RUNX2: variants seen among roughly 807,000 people sequenced by gnomAD.
The protein encoded by RUNX2 is runt-related transcription factor 2.
Under a neutral mutation model 51.7 loss-of-function variants are expected in RUNX2, and 10 were observed. The ratio of observed to expected loss-of-function variants is 0.19; its 90% CI spans 0.12 to 0.33. RUNX2 has a LOEUF of 0.33. Ranked by LOEUF, RUNX2 falls within the 10% of genes least tolerant of loss-of-function variation. The pLI is 1.00. For synonymous variants in RUNX2, 276 were observed against 273.6 expected, an observed-to-expected ratio of 1.01 and a Z score of -0.09; for missense variants, 562 against 691.3, an observed-to-expected ratio of 0.81 and a Z score of 2.10.
chr6:45,543,611 A>C (rs1802300140), intron 7 of RUNX2, among the ~76,000 whole-genome samples: 1 of 152,138 alleles, frequency 6.6e-6, no homozygotes, highest in African/African-American at 2.4e-5. Flanking sequence ...ATGGACTCTT[A>C]ATAAGTCAAA....
At chr6:45,378,508 T>TAA (rs1048249201) in intron 2 of RUNX2, among the ~76,000 whole-genome samples, 7 of 152,152 alleles carry the variant, frequency 4.6e-5, no homozygotes, top group Admixed American at 4.6e-4. Flanking sequence ...AACCAGCTCT[T>TAA]ACGCCGCTTC....
chr6:45,525,770 A>G (rs1414881615), intron 7 of RUNX2, among the ~76,000 whole-genome samples: 2 of 152,024 alleles, frequency 1.3e-5, no homozygotes, highest in African/African-American at 2.4e-5. Flanking sequence ...TGAGGCGGGC[A>G]GTTTGCTTGA....
chr6:45,540,895 T>C (rs1344815457), intron 7 of RUNX2, among the ~76,000 whole-genome samples: 1 of 152,204 alleles, frequency 6.6e-6, no homozygotes, highest in Non-Finnish European at 1.5e-5. Context: ...TTTACTAGTG[T>C]CAACTGCTGT....
At position 45,549,433 on chromosome 6, in the gene RUNX2, T is replaced by C. The variant is rs1802500562; in HGVS notation, c.*2128T>C. ...CCTGACTCCTTCTAATAAAAATGGA[T>C]GGGAAAGCAAAACACTTTGCCTTCT... On this transcript the variant is annotated 3_prime_UTR_variant, in exon 9 of 9. Transcript: ENST00000647337. The C allele has an allele frequency of 2.5e-6, 1 of 398,338 alleles. No homozygotes were observed. The highest frequency in any genetic ancestry group is 4.4e-6 in the Non-Finnish European group (1 of 226,024). 24.7% of individuals were successfully genotyped at this position (398,338 alleles called of 1,614,324 possible).
chr6:45,375,694 C>T (rs959295394), intron 2 of RUNX2, among the ~76,000 whole-genome samples: 9 of 152,152 alleles, frequency 5.9e-5, no homozygotes, highest in African/African-American at 2.4e-5. Context: ...CAAGCATGAG[C>T]CAACGTGCCT....
At chr6:45,428,560 A>C (rs2819859) in intron 3 of RUNX2, among the ~76,000 whole-genome samples, 68,579 of 151,950 alleles carry the variant, frequency 0.45, 15,679 homozygotes, top group South Asian at 0.61. Context: ...TCTTGCTCTC[A>C]GCCTCATAGA....
At chr6:45,354,210 A>G (rs1017363245) in intron 2 of RUNX2, among the ~76,000 whole-genome samples, 2 of 152,202 alleles carry the variant, frequency 1.3e-5, no homozygotes. Context: ...ATCATTTTTA[A>G]TAATAGTGGA....
intron 2 of RUNX2, among the ~76,000 whole-genome samples, chr6:45,334,740 GTAA>G (rs1302480531): frequency 2.0e-5 from 3 of 151,030 alleles, no homozygotes; most frequent in South Asian, 2.1e-4. Context: ...TACAGAACTT[GTAA>G]TAATGATTAT....
chr6:45,446,287 C>CATAT (rs1196270004), intron 5 of RUNX2, among the ~76,000 whole-genome samples: 1 of 152,172 alleles, frequency 6.6e-6, no homozygotes, highest in Non-Finnish European at 1.5e-5. Flanking sequence ...TTTCCACATG[C>CATAT]ATATGTTCCA....
intron 5 of RUNX2, among the ~76,000 whole-genome samples, chr6:45,471,701 T>G (rs897673177): frequency 6.6e-6 from 1 of 152,180 alleles, no homozygotes; most frequent in Non-Finnish European, 1.5e-5. Context: ...CCTCCCAAAG[T>G]GCTGGGATTA....
At chr6:45,395,305 C>T (rs1460512777) in intron 2 of RUNX2, among the ~76,000 whole-genome samples, 1 of 152,190 alleles carries the variant, frequency 6.6e-6, no homozygotes, top group Admixed American at 6.5e-5. Flanking sequence ...CAGTCTCATA[C>T]ATAGAAATAA....
At position 45,546,211 on chromosome 6, in the gene RUNX2, C is replaced by G. The variant is rs1422429057; in HGVS notation, c.1088-616C>G. 2.0e-5 allele frequency among the ~76,000 whole-genome samples: 3 copies of G among 152,044 alleles called. No individual in the cohort carries two copies. The East Asian group carries it at 5.8e-4, about 29-fold the overall frequency. ...TCTAGTAGCTTATGACCCTCCCTAT[C>G]CACCCCCAGAGAAGTTATGAGTTTC... On this transcript the variant is annotated intron_variant, in intron 8 of 8. Coordinates refer to ENST00000647337, the MANE Select transcript of RUNX2 (RefSeq NM_001024630.4).
At chr6:45,481,449 GA>G (rs1392146152) in intron 5 of RUNX2, among the ~76,000 whole-genome samples, 1 of 152,158 alleles carries the variant, frequency 6.6e-6, no homozygotes, top group Non-Finnish European at 1.5e-5. Flanking sequence ...TACAGAAAAA[GA>G]AGGCAAAGAA....
intron 6 of RUNX2, among the ~76,000 whole-genome samples, chr6:45,497,776 C>A (rs902715277): frequency 6.6e-6 from 1 of 152,052 alleles, no homozygotes; most frequent in Non-Finnish European, 1.5e-5. Flanking sequence ...TCTTTGTGTC[C>A]CCCATTGTCT....
intron 2 of RUNX2, among the ~76,000 whole-genome samples, chr6:45,414,492 G>T (rs1798020569): frequency 6.6e-6 from 1 of 152,128 alleles, no homozygotes; most frequent in Non-Finnish European, 1.5e-5. Flanking sequence ...TTACAAACTT[G>T]TAAGTCCGTC....
At chr6:45,345,392 C>T (rs1218233239) in intron 2 of RUNX2, among the ~76,000 whole-genome samples, 3 of 152,100 alleles carry the variant, frequency 2.0e-5, no homozygotes, top group Non-Finnish European at 4.4e-5. Context: ...TTTTGTATCT[C>T]TATTCCTTTC....
At chr6:45,440,867 T>A (rs1798824247) in intron 5 of RUNX2, among the ~76,000 whole-genome samples, 1 of 152,200 alleles carries the variant, frequency 6.6e-6, no homozygotes, top group Admixed American at 6.5e-5. Flanking sequence ...ATCATATTGG[T>A]GCTCAAAACT....
intron 2 of RUNX2, among the ~76,000 whole-genome samples, chr6:45,376,401 C>A (rs1563053762): frequency 6.6e-6 from 1 of 152,106 alleles, no homozygotes; most frequent in Non-Finnish European, 1.5e-5. Flanking sequence ...CTACCACTAG[C>A]CACATGTGGG....
chr6:45,542,305 C>G (rs777999927), intron 7 of RUNX2, among the ~76,000 whole-genome samples: 1 of 152,082 alleles, frequency 6.6e-6, no homozygotes, highest in Non-Finnish European at 1.5e-5. Flanking sequence ...TTTATTTGTG[C>G]TCCATGGAAA....
Sources: gnomAD v4.1 joint callset for allele counts (sites outside exome capture counted in the v4.1 genomes callset) on GRCh38, gnomAD v4.1.1 for gene constraint, MANE v1.5 for transcripts, NCBI Gene and HGNC (gene_info 2026-07-23, HGNC 2026-07-21) for gene names.